The following PEBP4 variants were observed in gnomAD, a reference collection of about 807,000 sequenced individuals.
PEBP4 encodes phosphatidylethanolamine-binding protein 4.
In PEBP4, 22 loss-of-function variants were observed where a neutral mutation model predicts 23.9. The ratio of observed to expected loss-of-function variants is 0.92; its 90% CI spans 0.66 to 1.31. The LOEUF (loss-of-function observed/expected upper bound fraction) is 1.31, where lower values mean the gene tolerates loss of function less well. PEBP4 is among the 40% of genes most tolerant of loss of function. PEBP4 has a pLI of 0.00. For synonymous variants in PEBP4, 112 were observed against 99.3 expected, an observed-to-expected ratio of 1.13 and a Z score of -0.76; for missense variants, 324 against 281.7, an observed-to-expected ratio of 1.15 and a Z score of -1.07.
intron 3 of PEBP4, among the ~76,000 whole-genome samples, chr8:22,850,729 G>A (rs771556407): frequency 2.6e-4 from 39 of 152,284 alleles, no homozygotes; most frequent in East Asian, 9.7e-4. Flanking sequence ...AATGAAATCC[G>A]GATGTATGGA....
At chr8:22,764,820 AC>A (rs1805575826) in intron 4 of PEBP4, among the ~76,000 whole-genome samples, 1 of 151,838 alleles carries the variant, frequency 6.6e-6, no homozygotes, top group Non-Finnish European at 1.5e-5. Flanking sequence ...CCAAATGGCA[AC>A]ATTCAGTGGA....
chr8:22,745,783 G>C (rs1178552399), intron 4 of PEBP4: 1 of 152,214 alleles, frequency 6.6e-6, no homozygotes, highest in Non-Finnish European at 1.5e-5. Flanking sequence ...GGGAACAAGG[G>C]GAGGAACTCA....
chr8:22,789,103 T>C (rs536440753), intron 4 of PEBP4, among the ~76,000 whole-genome samples: 1 of 152,296 alleles, frequency 6.6e-6, no homozygotes, highest in East Asian at 1.9e-4. Context: ...ACAGACCAAA[T>C]CTTTAATTAA....
intron 3 of PEBP4, among the ~76,000 whole-genome samples, chr8:22,849,378 G>C (rs191167436): frequency 2.0e-5 from 3 of 152,274 alleles, no homozygotes; most frequent in African/African-American, 7.2e-5. Context: ...TTACAGTATA[G>C]ACAGGAAGTG....
At chr8:22,825,969 T>C (rs1806958547) in intron 3 of PEBP4, among the ~76,000 whole-genome samples, 2 of 152,150 alleles carry the variant, frequency 1.3e-5, no homozygotes, top group Non-Finnish European at 2.9e-5. Context: ...ACGTACATGA[T>C]ATATCTAAAA....
At chr8:22,934,206 A>G (rs181365270) in intron 1 of PEBP4, among the ~76,000 whole-genome samples, 58 of 152,340 alleles carry the variant, frequency 3.8e-4, no homozygotes, top group Admixed American at 1.8e-3. Flanking sequence ...GGGCACAAAT[A>G]TCTAAATTAT....
At chr8:22,714,572 C>T (rs1193019956) in intron 6 of PEBP4, among the ~76,000 whole-genome samples, 1 of 151,824 alleles carries the variant, frequency 6.6e-6, no homozygotes, top group Non-Finnish European at 1.5e-5. Context: ...GCAGCAACCT[C>T]CCAGGGTGGA....
intron 4 of PEBP4, among the ~76,000 whole-genome samples, chr8:22,739,514 C>G (rs1056613915): frequency 6.6e-6 from 1 of 152,150 alleles, no homozygotes; most frequent in Non-Finnish European, 1.5e-5. Context: ...GTGACCTGAC[C>G]AGACCTTTGC....
At chr8:22,859,223 C>T (rs2128768373) in intron 3 of PEBP4, among the ~76,000 whole-genome samples, 1 of 152,294 alleles carries the variant, frequency 6.6e-6, no homozygotes, top group South Asian at 2.1e-4. Context: ...ATCAGACTCC[C>T]CCCGTGGAGC....
At chr8:22,716,284 A>C (rs1804418264) in intron 6 of PEBP4, among the ~76,000 whole-genome samples, 1 of 152,192 alleles carries the variant, frequency 6.6e-6, no homozygotes, top group Non-Finnish European at 1.5e-5. Flanking sequence ...AGCCAGATGC[A>C]GCAGTCCTGG....
At chr8:22,882,370 G>C (rs1474655859) in intron 3 of PEBP4, among the ~76,000 whole-genome samples, 2 of 152,212 alleles carry the variant, frequency 1.3e-5, no homozygotes, top group South Asian at 2.1e-4. Flanking sequence ...CTGAGCAGAG[G>C]GGGGCGGAGC....
At chr8:22,902,722 G>A (rs989912256) in intron 3 of PEBP4, among the ~76,000 whole-genome samples, 5 of 152,174 alleles carry the variant, frequency 3.3e-5, no homozygotes, top group Non-Finnish European at 1.5e-5. Flanking sequence ...TGCCCAGGAG[G>A]AGTTAAGTTT....
chr8:22,747,338 A>G (rs1034423828), intron 4 of PEBP4, among the ~76,000 whole-genome samples: 7 of 152,162 alleles, frequency 4.6e-5, no homozygotes, highest in Non-Finnish European at 1.0e-4. Context: ...GCCACTGTGT[A>G]GATCCAGGGT....
intron 3 of PEBP4, among the ~76,000 whole-genome samples, chr8:22,912,630 C>T (rs1244844936): frequency 2.0e-5 from 3 of 152,350 alleles, no homozygotes; most frequent in African/African-American, 4.8e-5. Context: ...TCCATCGCCC[C>T]ATGTTGCTAG....
chr8:22,722,193 AAT>A (rs1804532868), intron 6 of PEBP4, among the ~76,000 whole-genome samples: 1 of 151,928 alleles, frequency 6.6e-6, no homozygotes, highest in Admixed American at 6.6e-5. Flanking sequence ...AAAAAAAAAA[AAT>A]CTATGGTTTC....
chr8:22,811,843 A>G (rs747138212), intron 4 of PEBP4, among the ~76,000 whole-genome samples: 2 of 152,250 alleles, frequency 1.3e-5, no homozygotes, highest in Non-Finnish European at 2.9e-5. Context: ...TGTGTTGGGC[A>G]CTGTCTAGAA....
chr8:22,824,758 G>A (rs1029118208), intron 3 of PEBP4, among the ~76,000 whole-genome samples: 5 of 152,142 alleles, frequency 3.3e-5, no homozygotes, highest in Non-Finnish European at 5.9e-5. Flanking sequence ...TCGCAATAGG[G>A]TTTGTGCTCC....
chr8:22,832,470 T>C (rs972960625), intron 3 of PEBP4, among the ~76,000 whole-genome samples: 1 of 152,172 alleles, frequency 6.6e-6, no homozygotes. Flanking sequence ...CCCCTAGAAC[T>C]GTGAGAATAA....
At chr8:22,782,211 C>T (rs1369039158) in intron 4 of PEBP4, among the ~76,000 whole-genome samples, 1 of 152,214 alleles carries the variant, frequency 6.6e-6, no homozygotes, top group Non-Finnish European at 1.5e-5. Context: ...CCCTAATACA[C>T]TCCCCTTTAA....
Sources: allele counts gnomAD v4.1 joint callset (sites outside exome capture counted in the v4.1 genomes callset), GRCh38; gene constraint gnomAD v4.1.1; transcripts MANE v1.5; gene names NCBI Gene and HGNC (gene_info 2026-07-23, HGNC 2026-07-21).